The following TPR variants were observed in gnomAD, a reference collection of about 807,000 sequenced individuals.
TPR encodes the protein nucleoprotein TPR.
Under a neutral mutation model 316.1 loss-of-function variants are expected in TPR, and 51 were observed. The ratio of observed to expected loss-of-function variants is 0.16; its 90% CI spans 0.13 to 0.20. The LOEUF (loss-of-function observed/expected upper bound fraction) is 0.20, where lower values mean the gene tolerates loss of function less well. TPR is among the 10% of genes least tolerant of loss of function. TPR has a pLI of 1.00. For missense variants in TPR, 2,272 were observed against 2,754.8 expected (o/e 0.82, Z 3.92); for synonymous variants, 981 against 914.7 (o/e 1.07, Z -1.31).
In TPR at chr1:186,346,278, CT is replaced by C. The variant is rs761344290; in HGVS notation, c.2952del (p.Glu985LysfsTer10). The C allele has an allele frequency of 6.2e-7, 1 of 1,612,064 alleles. No homozygotes were observed. Among genetic ancestry groups the C allele is most frequent in the Non-Finnish European group, 8.5e-7 (1 of 1,179,290 alleles). On this transcript the variant is annotated frameshift_variant, in exon 23 of 51. Coordinates refer to ENST00000367478, the MANE Select transcript of TPR (RefSeq NM_003292.3). LOFTEE classifies it high-confidence loss of function. ...ESLNKEKQVT[E>X]EVRKNIEVRL... The stretch of plus-strand genomic sequence containing the variant: ...CGAACTTCAATATTCTTACGCACTT[CT>C]TCTGTCACCTTTACCATATTACAAA...
chr1:186,312,640 C>T lies in TPR; in HGVS notation c.*1331G>A. On this transcript the variant is annotated 3_prime_UTR_variant, in exon 51 of 51. Coordinates refer to ENST00000367478, the MANE Select transcript of TPR (RefSeq NM_003292.3). The stretch of plus-strand genomic sequence containing the variant: ...ACTTCTTACCAAGAACATTATATAC[C>T]AGTCTATAACCCTCAATAGTTCTAC... The T allele has an allele frequency of 2.0e-6, 2 of 987,204 alleles. No individual in the cohort carries two copies. The highest frequency in any genetic ancestry group is 4.9e-5 in the East Asian group (2 of 40,900). The allele number at this position is 987,204 out of a possible 1,614,324, so 61.2% of individuals were successfully genotyped here. A position where few individuals can be genotyped will look rare whatever the true frequency, so the allele number is the denominator to read the frequency against.
intron 45 of TPR, 81 bp downstream of exon 45, chr1:186,322,237 T>C (rs1657795414): frequency 2.1e-5 from 28 of 1,354,372 alleles, no homozygotes; most frequent in Non-Finnish European, 2.8e-5. Context: ...AACAATGAGT[T>C]AACCAAATGA....
chr1:186,314,480 T>C lies in TPR; in HGVS notation c.7036+149A>G, dbSNP rs182166568. 258 of 513,516 alleles carry C rather than the reference T, an allele frequency of 5.0e-4. 1 individual carries two copies. Among genetic ancestry groups the C allele is most frequent in the African/African-American group, 4.4e-3 (227 of 52,116 alleles). 31.8% of individuals were successfully genotyped at this position (513,516 alleles called of 1,614,324 possible). A position where few individuals can be genotyped will look rare whatever the true frequency, so the allele number is the denominator to read the frequency against. ...AATCTGTCTACATGAAGTTTACAGA[T>C]TGGTAAATATCACCTGCTCAACATG... On this transcript the variant is annotated intron_variant, in intron 50 of 50. Coordinates refer to ENST00000367478, the MANE Select transcript of TPR (RefSeq NM_003292.3).
intron 22 of TPR, among the ~76,000 whole-genome samples, chr1:186,346,488 C>G (rs908900652): frequency 6.6e-6 from 1 of 152,162 alleles, no homozygotes. Context: ...TACCATTCAT[C>G]TTGGCTACTG....
intron 2 of TPR, among the ~76,000 whole-genome samples, chr1:186,372,204 T>G (rs979700675): frequency 1.3e-5 from 2 of 152,242 alleles, no homozygotes; most frequent in South Asian, 2.1e-4. Flanking sequence ...GATTATGAAC[T>G]TCCTGTGTTC....
In TPR at chr1:186,362,988, C is replaced by T. The variant is rs201785457; in HGVS notation, c.545G>A (p.Arg182His). The part of the protein sequence containing the change: ...SDVSVKYREK[R>H]LEQEKELLHS... ...TAGCAATTCCTTTTCTTGCTCCAAGCGTTTTTCTCGATACTAAAGAAATCC... is the reference window on the plus strand; with the variant it reads ...TAGCAATTCCTTTTCTTGCTCCAAGTGTTTTTCTCGATACTAAAGAAATCC... The change falls in exon 6 of 51, where the codon CGC becomes CAC. Residue 182 changes from arginine to histidine, a missense_variant. By Grantham distance (29) the Arg-to-His change is conservative. Coordinates refer to ENST00000367478, the MANE Select transcript of TPR (RefSeq NM_003292.3). 1.9e-6 allele frequency: 3 copies of T among 1,600,466 alleles called. No homozygotes were observed. Among genetic ancestry groups the T allele is most frequent in the African/African-American group, 1.3e-5 (1 of 74,124 alleles).
chr1:186,317,722 T>A, intron 48 of TPR, 122 bp from the exon 49 acceptor site: 1 of 805,588 alleles, frequency 1.2e-6, no homozygotes, highest in Non-Finnish European at 1.9e-6. Context: ...CAAAAAATTA[T>A]AGACTGATTT....
chr1:186,361,211 G>T (rs1306215946), intron 9 of TPR, among the ~76,000 whole-genome samples: 1 of 151,726 alleles, frequency 6.6e-6, no homozygotes, highest in Admixed American at 6.6e-5. Flanking sequence ...GAAATTATTG[G>T]AAAAGACCAT....
chr1:186,345,513 C>T, intron 24 of TPR, 67 bp downstream of exon 24: 43 of 1,253,150 alleles, frequency 3.4e-5, no homozygotes, highest in Non-Finnish European at 4.9e-5. Flanking sequence ...TCTTATAATG[C>T]ATAAATATAC....
chr1:186,325,789 G>A lies in TPR; in HGVS notation c.6087C>T (p.His2029=). 6.2e-7 allele frequency: 1 copy of A among 1,613,506 alleles called. No individual in the cohort carries two copies. Among genetic ancestry groups the A allele is most frequent in the Non-Finnish European group, 8.5e-7 (1 of 1,179,652 alleles). The change falls in exon 42 of 51, where the codon CAC becomes CAT. Residue 2029 remains histidine (H), a synonymous_variant. Coordinates refer to ENST00000367478, the MANE Select transcript of TPR (RefSeq NM_003292.3). ...EESMGGGEGN[H]RAADSQNSGE... is the part of the protein sequence containing the mutation. ...CACTGTTTTGAGAATCAGCAGCTCT[G>A]TGATTACCTTCACCTCCACCCATAC...
chr1:186,350,077 T>C (rs774124641), intron 21 of TPR, 146 bp downstream of exon 21: 10 of 753,158 alleles, frequency 1.3e-5, no homozygotes, highest in East Asian at 6.1e-5. Context: ...AGTACCACTA[T>C]ATAAAGAAAA....
intron 11 of TPR, 89 bp from the exon 12 acceptor site, chr1:186,360,085 CTA>C (rs1312978848): frequency 2.8e-6 from 4 of 1,436,404 alleles, no homozygotes; most frequent in Admixed American, 4.2e-5. Context: ...TTCTTTAACA[CTA>C]ACACAAAATG....
intron 30 of TPR, 57 bp downstream of exon 30, chr1:186,339,585 A>G: frequency 1.5e-6 from 2 of 1,360,260 alleles, no homozygotes; most frequent in Non-Finnish European, 1.9e-6. Flanking sequence ...AGTCATGTAA[A>G]TAAGTAAAAT....
intron 29 of TPR, 55 bp downstream of exon 29, chr1:186,340,973 C>T: frequency 6.3e-7 from 1 of 1,576,382 alleles, no homozygotes; most frequent in Non-Finnish European, 8.6e-7. Flanking sequence ...CTAAGTTTCC[C>T]CTATTATTAA....
intron 45 of TPR, among the ~76,000 whole-genome samples, chr1:186,321,061 C>T (rs1482689686): frequency 1.3e-5 from 2 of 152,122 alleles, no homozygotes; most frequent in African/African-American, 4.8e-5. Flanking sequence ...CTTCTAGAGG[C>T]ACAGGGGTAG....
chr1:186,344,168 C>T, intron 25 of TPR, 78 bp from the exon 26 acceptor site: 1 of 1,495,142 alleles, frequency 6.7e-7, no homozygotes, highest in Non-Finnish European at 9.0e-7. Context: ...GGCGCGGTGG[C>T]TAACGCCTGT....
chr1:186,341,046 A>T lies in TPR; in HGVS notation c.4002T>A (p.Arg1334=). The T allele has an allele frequency of 6.2e-7, 1 of 1,613,782 alleles. No individual in the cohort carries two copies. The highest frequency in any genetic ancestry group is 8.5e-7 in the Non-Finnish European group (1 of 1,179,950). ...CATTTACCTGGTTACGTGCTTTCCA[A>T]CGTTTGACATCCTCTTCTAAGAGCT... is the stretch of plus-strand genomic sequence containing the variant. ...EKKLLEEDVK[R]WKARNQHLVS... Residue 1334 remains arginine, a synonymous_variant, in exon 29 of 51, where the codon CGT becomes CGA. Transcript: ENST00000367478.
Position 186,350,351 on chromosome 1 carries a change from T to C in TPR, c.2648A>G (p.Glu883Gly). ...TTTTGTGTTAAGATGAAGATTTGTC[T>C]CTGTATCCAGTTGTCTCTTTGTATC... ...LLDTKRQLDT[E>G]TNLHLNTKEL... The change falls in exon 21 of 51, where the codon GAG (glutamate) becomes GGG (glycine). Residue 883 changes from glutamate (E) to glycine (G), a missense_variant. Physicochemically the swap from Glu to Gly is moderately conservative, Grantham distance 98. Transcript: ENST00000367478. 1 of 1,611,954 alleles carries C rather than the reference T, an allele frequency of 6.2e-7. No individual in the cohort carries two copies.
rs375287246 is a variant in TPR at position 186,357,572 on chromosome 1, G to A, written c.1549C>T (p.Arg517Cys). Residue 517 changes from arginine (R) to cysteine (C), a missense_variant, in exon 14 of 51, where the codon CGT becomes TGT. Physicochemically the swap from Arg to Cys is radical, Grantham distance 180. This residue lies in a region of TPR where 549 missense variants were observed against 598.6 expected (regional missense o/e 0.92). Transcript: ENST00000367478. ...TCAGCAGAGCTTACTTCCTCATCAC[G>A]AATTACGTGGTTACCCCTTGCTTCT... ...LEEARGNHVIRDEEVSSADIS... is the reference protein window; with the variant it reads ...LEEARGNHVICDEEVSSADIS... 8 of 1,613,566 alleles carry A rather than the reference G, an allele frequency of 5.0e-6. No individual in the cohort carries two copies. The highest frequency in any genetic ancestry group is 1.6e-4 in the Middle Eastern group (1 of 6,082).
Sources: allele counts gnomAD v4.1 joint callset (sites outside exome capture counted in the v4.1 genomes callset), GRCh38; gene constraint gnomAD v4.1.1; regional missense constraint gnomAD v4.1.1; transcripts MANE v1.5; gene names NCBI Gene and HGNC (gene_info 2026-07-23, HGNC 2026-07-21).